The following SHROOM2 variants were observed in gnomAD, a reference collection of about 807,000 sequenced individuals.
The protein encoded by SHROOM2 is protein Shroom2.
In SHROOM2, 33 loss-of-function variants were observed where a neutral mutation model predicts 75.9. The ratio of observed to expected loss-of-function variants is 0.43; its 90% CI spans 0.33 to 0.58. SHROOM2 has a LOEUF of 0.58. Among genes scored for constraint, SHROOM2 ranks in the 20% least tolerant of loss-of-function variants. The probability of loss-of-function intolerance (pLI) is 0.04; values close to 1 mark genes in which losing one functional copy is unlikely to be tolerated. For missense variants in SHROOM2, 1,434 were observed against 1,461.2 expected (o/e 0.98, Z 0.30); for synonymous variants, 655 against 663.6 (o/e 0.99, Z 0.20).
chrX:9,937,646 T>G lies in SHROOM2; in HGVS notation c.4100T>G (p.Leu1367Arg). The change falls in exon 7 of 10, where the codon CTG (leucine) becomes CGG (arginine). Residue 1367 changes from leucine (L) to arginine (R), a missense_variant. By Grantham distance (102) the Leu-to-Arg change is moderately radical. Around this residue, in one of 3 missense-constraint regions of SHROOM2, gnomAD observed 1,340 missense variants for 1,338.3 expected, o/e 1.00. Coordinates refer to ENST00000380913, the MANE Select transcript of SHROOM2 (RefSeq NM_001649.4). ...LLEEAQQRRK[L>R]LPKIPSPRST... Reference sequence around the variant, plus strand: ...GAAGAAGCCCAGCAACGGAGGAAGCTGCTCCCCAAAATCCCCTCTCCTAGA... The same window carrying G: ...GAAGAAGCCCAGCAACGGAGGAAGCGGCTCCCCAAAATCCCCTCTCCTAGA... The G allele has an allele frequency of 1.7e-6, 2 of 1,204,609 alleles. No homozygotes were observed. The highest frequency in any genetic ancestry group is 2.2e-5 in the Admixed American group (1 of 45,317).
intron 1 of SHROOM2, among the ~76,000 whole-genome samples, chrX:9,846,643 C>T (rs1299020422): frequency 8.9e-6 from 1 of 111,888 alleles, no homozygotes; most frequent in Non-Finnish European, 1.9e-5. Context: ...TTGCCCAGGC[C>T]GCTCTCGAAC....
chrX:9,802,363 A>G (rs965340424), intron 1 of SHROOM2, among the ~76,000 whole-genome samples: 3 of 112,417 alleles, frequency 2.7e-5, no homozygotes, highest in African/African-American at 9.7e-5. Flanking sequence ...TATTTTAACA[A>G]CGTGATTCAG....
chrX:9,918,154 C>T (rs2239423), intron 5 of SHROOM2, among the ~76,000 whole-genome samples: 14,604 of 112,163 alleles, frequency 0.13, 836 homozygotes, highest in East Asian at 0.36. Context: ...CAGTGTGTTA[C>T]CTCCCTGGTT....
intron 5 of SHROOM2, among the ~76,000 whole-genome samples, chrX:9,916,048 G>A (rs1439875831): frequency 2.7e-5 from 3 of 112,102 alleles, no homozygotes; most frequent in African/African-American, 9.7e-5. Flanking sequence ...ACTAATCTGG[G>A]ATTACAGCTT....
chrX:9,833,276 A>G (rs770959980), intron 1 of SHROOM2, among the ~76,000 whole-genome samples: 1 of 111,192 alleles, frequency 9.0e-6, no homozygotes, highest in Non-Finnish European at 1.9e-5. Context: ...GTTGAAATGA[A>G]TACACTTTTT....
intron 1 of SHROOM2, among the ~76,000 whole-genome samples, chrX:9,840,924 G>A (rs773697813): frequency 1.6e-4 from 18 of 112,115 alleles, no homozygotes; most frequent in African/African-American, 5.5e-4. Flanking sequence ...TTCCCATTAC[G>A]GTTACTTGAA....
chrX:9,921,270 C>A, intron 5 of SHROOM2, among the ~76,000 whole-genome samples: 1 of 112,094 alleles, frequency 8.9e-6, no homozygotes, highest in South Asian at 3.7e-4. Context: ...CACACATCGG[C>A]ACTTCTGCCA....
In SHROOM2 at chrX:9,894,512, A is replaced by G. The variant is rs1370110261; in HGVS notation, c.604A>G (p.Ser202Gly). The G allele has an allele frequency of 8.3e-7, 1 of 1,209,080 alleles. No individual in the cohort carries two copies. Among genetic ancestry groups the G allele is most frequent in the Admixed American group, 2.2e-5 (1 of 45,722 alleles). Reference protein sequence around the residue: ...KSNSSIDHLGSHSKRDSAYGS... With the variant: ...KSNSSIDHLGGHSKRDSAYGS... ...CAACAGCAGCATCGACCACCTGGGC[A>G]GCCACAGCAAGCGCGACTCGGCCTA... The change falls in exon 4 of 10, where the codon AGC becomes GGC. Residue 202 changes from serine to glycine, a missense_variant. Around this residue, in one of 3 missense-constraint regions of SHROOM2, gnomAD observed 1,340 missense variants for 1,338.3 expected, o/e 1.00. Transcript: ENST00000380913.
chrX:9,827,269 C>G (rs2083893028), intron 1 of SHROOM2, among the ~76,000 whole-genome samples: 1 of 81,392 alleles, frequency 1.2e-5, no homozygotes, highest in Admixed American at 1.7e-4. Context: ...GTCACCCAGG[C>G]TGGAGTGCAG....
At chrX:9,875,736 G>C (rs2084197554) in intron 2 of SHROOM2, among the ~76,000 whole-genome samples, 1 of 112,747 alleles carries the variant, frequency 8.9e-6, no homozygotes, top group Admixed American at 9.4e-5. Flanking sequence ...TCTAGCATAG[G>C]ATATTTGTAG....
chrX:9,789,383 C>T (rs1336159100), intron 1 of SHROOM2, among the ~76,000 whole-genome samples: 2 of 109,063 alleles, frequency 1.8e-5, no homozygotes, highest in Non-Finnish European at 3.8e-5. Context: ...CTCCTCAGTA[C>T]GTTTCTGCTG....
At chrX:9,819,332 AT>A in intron 1 of SHROOM2, 1 of 502,398 alleles carries the variant, frequency 2.0e-6, no homozygotes. Context: ...TTGGAGGCCA[AT>A]TAAGCGCCTT....
chrX:9,812,039 G>C (rs776132031), intron 1 of SHROOM2, among the ~76,000 whole-genome samples: 1 of 112,002 alleles, frequency 8.9e-6, no homozygotes, highest in East Asian at 2.8e-4. Context: ...GTTCATGATA[G>C]GTAGTTCAGG....
chrX:9,823,199 TCTC>T, intron 1 of SHROOM2, among the ~76,000 whole-genome samples: 1 of 53,304 alleles, frequency 1.9e-5, no homozygotes, highest in Non-Finnish European at 3.2e-5. Context: ...TCCTCCTCCT[TCTC>T]CTCTTCCTCC....
intron 1 of SHROOM2, among the ~76,000 whole-genome samples, chrX:9,839,985 C>T (rs1455593331): frequency 2.7e-5 from 3 of 111,638 alleles, no homozygotes; most frequent in Non-Finnish European, 3.8e-5. Context: ...TTGAGGTCAT[C>T]GGAGACCATC....
intron 2 of SHROOM2, among the ~76,000 whole-genome samples, chrX:9,890,080 G>A (rs1003527081): frequency 1.8e-5 from 2 of 112,840 alleles, no homozygotes; most frequent in South Asian, 3.6e-4. Context: ...TTAGAGATAA[G>A]GGCTGGCTGA....
At chrX:9,920,673 C>T (rs766283647) in intron 5 of SHROOM2, among the ~76,000 whole-genome samples, 10 of 111,936 alleles carry the variant, frequency 8.9e-5, no homozygotes, top group Non-Finnish European at 1.7e-4. Context: ...AGCTAATATG[C>T]TATAAGCAAT....
At chrX:9,812,677 C>T (rs2083798092) in intron 1 of SHROOM2, among the ~76,000 whole-genome samples, 1 of 112,165 alleles carries the variant, frequency 8.9e-6, no homozygotes, top group African/African-American at 3.2e-5. Context: ...ATAATATCAT[C>T]AATGCAGTGG....
intron 2 of SHROOM2, among the ~76,000 whole-genome samples, chrX:9,884,190 C>G (rs932293919): frequency 9.1e-6 from 1 of 110,384 alleles, no homozygotes; most frequent in Non-Finnish European, 1.9e-5. Flanking sequence ...AGGCTCCCAG[C>G]AGGCCAAGGC....
Sources: allele counts gnomAD v4.1 joint callset (sites outside exome capture counted in the v4.1 genomes callset), GRCh38; gene constraint gnomAD v4.1.1; regional missense constraint gnomAD v4.1.1; transcripts MANE v1.5; gene names NCBI Gene and HGNC (gene_info 2026-07-23, HGNC 2026-07-21).